LPP: variants seen among roughly 807,000 people sequenced by gnomAD.
LPP encodes LIM domain containing preferred translocation partner in lipoma, also known as lipoma-preferred partner.
A neutral mutation model predicts 60.4 loss-of-function variants in LPP; 38 were observed. The observed-to-expected ratio is 0.63, with a 90% CI of 0.49 to 0.83. The LOEUF is 0.83. LPP is among the 40% of genes least tolerant of loss of function. LPP has a pLI of 0.00. For synonymous variants in LPP, 328 were observed against 290.8 expected, an observed-to-expected ratio of 1.13 and a Z score of -1.30; for missense variants, 902 against 783.6, an observed-to-expected ratio of 1.15 and a Z score of -1.80.
intron 1 of LPP, among the ~76,000 whole-genome samples, chr3:188,161,375 T>TA (rs1718226147): frequency 6.6e-6 from 1 of 152,226 alleles, no homozygotes; most frequent in African/African-American, 2.4e-5. Flanking sequence ...AACTGTTTGC[T>TA]GCTAGAATAA....
chr3:188,864,199 C>T (rs543038630), intron 9 of LPP, among the ~76,000 whole-genome samples: 17 of 152,244 alleles, frequency 1.1e-4, no homozygotes, highest in East Asian at 3.9e-4. Flanking sequence ...CAGAGGCATA[C>T]GAAGCAATTT....
At chr3:188,433,599 TGAGA>T (rs59204304) in intron 4 of LPP, among the ~76,000 whole-genome samples, 40,405 of 137,286 alleles carry the variant, frequency 0.29, 5,882 homozygotes, top group African/African-American at 0.35. Flanking sequence ...AGACAGAAAG[TGAGA>T]GAGAGAGAGA....
chr3:188,189,322 A>G (rs1727489124), intron 1 of LPP, among the ~76,000 whole-genome samples: 1 of 152,128 alleles, frequency 6.6e-6, no homozygotes, highest in Non-Finnish European at 1.5e-5. Flanking sequence ...TCCTGAGCTC[A>G]AGTGAGCCTC....
Position 188,678,985 on chromosome 3 carries a change from A to T in LPP, c.1114-29282A>T, listed in dbSNP as rs574805528. 3.3e-5 allele frequency among the ~76,000 whole-genome samples: 5 copies of T among 152,348 alleles called. No individual in the cohort carries two copies. In the South Asian group the frequency reaches 1.0e-3, roughly 32 times the overall value. On this transcript the variant is annotated intron_variant, in intron 7 of 11. Coordinates refer to ENST00000617246, the MANE Select transcript of LPP (RefSeq NM_001375462.1). Reference sequence around the variant, plus strand: ...GGTTGAGTGGATTGAATGAGAACACATGGGAAGATGCTGGCATTTAATAGG... The same window carrying T: ...GGTTGAGTGGATTGAATGAGAACACTTGGGAAGATGCTGGCATTTAATAGG...
chr3:188,586,814 A>G lies in LPP; in HGVS notation c.430-22347A>G, dbSNP rs1439812011. Among the ~76,000 whole-genome samples, 9 of 148,362 alleles carry G rather than the reference A, an allele frequency of 6.1e-5. No homozygotes were observed. The East Asian group carries it at 1.8e-3, about 29-fold the overall frequency. The stretch of plus-strand genomic sequence containing the variant: ...CCGATCTTGGCTCACTGCAACCTCC[A>G]CCTCCTGGGTTCCAGCAATTCTCCT... On this transcript the variant is annotated intron_variant, in intron 6 of 11. Transcript: ENST00000617246.
chr3:188,837,974 T>G (rs929895257), intron 9 of LPP, among the ~76,000 whole-genome samples: 1 of 152,116 alleles, frequency 6.6e-6, no homozygotes, highest in South Asian at 2.1e-4. Flanking sequence ...GAAACAACTT[T>G]GGGCCATAGA....
intron 4 of LPP, among the ~76,000 whole-genome samples, chr3:188,454,701 A>C (rs4686962): frequency 0.95 from 144,148 of 152,158 alleles, 68,742 homozygotes; most frequent in East Asian, 1. Flanking sequence ...TACATGGCGG[A>C]AGCAAGAGAA....
intron 7 of LPP, among the ~76,000 whole-genome samples, chr3:188,620,934 T>C (rs949442951): frequency 6.6e-6 from 1 of 152,186 alleles, no homozygotes; most frequent in African/African-American, 2.4e-5. Flanking sequence ...TATCAGGCAC[T>C]CATGAATAAA....
chr3:188,400,682 A>G (rs972477732), intron 3 of LPP, among the ~76,000 whole-genome samples: 3 of 152,180 alleles, frequency 2.0e-5, no homozygotes, highest in Non-Finnish European at 2.9e-5. Context: ...GAGGAGGGCC[A>G]CTGCTCTTGC....
At chr3:188,380,728 G>A (rs577005170) in intron 3 of LPP, among the ~76,000 whole-genome samples, 2 of 152,302 alleles carry the variant, frequency 1.3e-5, no homozygotes, top group African/African-American at 4.8e-5. Flanking sequence ...ATCTTTAATT[G>A]TGTGGAGGTG....
At chr3:188,295,004 C>T (rs1423214395) in intron 2 of LPP, among the ~76,000 whole-genome samples, 1 of 152,196 alleles carries the variant, frequency 6.6e-6, no homozygotes, top group African/African-American at 2.4e-5. Context: ...CAGCTTTTCC[C>T]ATCCTCCATC....
chr3:188,609,877 C>T lies in LPP; in HGVS notation c.1113+33C>T, dbSNP rs1367538297. ...ACTCAGTAACATAAGGAGGAGAATA[C>T]AGGGGTGCCTATCTTAGTCTGCCTT... On this transcript the variant is annotated intron_variant, in intron 7 of 11. Coordinates refer to ENST00000617246, the MANE Select transcript of LPP (RefSeq NM_001375462.1). The surrounding 1 kb of genome is among the most constrained non-coding windows in gnomAD (Gnocchi z 6.9). 1 of 1,567,006 alleles carries T rather than the reference C, an allele frequency of 6.4e-7. No individual in the cohort carries two copies. The highest frequency in any genetic ancestry group is 1.2e-5 in the South Asian group (1 of 83,298).
chr3:188,373,184 T>C (rs1037664846), intron 3 of LPP, among the ~76,000 whole-genome samples: 71 of 152,232 alleles, frequency 4.7e-4, no homozygotes, highest in African/African-American at 1.7e-3. Context: ...CATGTGTCTT[T>C]ATAGCAGCAT....
chr3:188,240,388 A>C (rs540513789), intron 2 of LPP, among the ~76,000 whole-genome samples: 2 of 151,176 alleles, frequency 1.3e-5, no homozygotes, highest in East Asian at 1.9e-4. Flanking sequence ...AGAGAGAGAC[A>C]GAGAGAGAAA....
chr3:188,700,023 G>GA (rs1404737729), intron 7 of LPP, among the ~76,000 whole-genome samples: 1 of 152,094 alleles, frequency 6.6e-6, no homozygotes, highest in Non-Finnish European at 1.5e-5. Flanking sequence ...TCTACCTTTT[G>GA]AAAAGAAGAT....
intron 4 of LPP, among the ~76,000 whole-genome samples, chr3:188,453,460 A>G: frequency 6.6e-6 from 1 of 152,020 alleles, no homozygotes; most frequent in South Asian, 2.1e-4. Context: ...TGTGTTCACA[A>G]TGCCTGGGGG....
intron 7 of LPP, among the ~76,000 whole-genome samples, chr3:188,672,605 C>T (rs773289070): frequency 4.7e-4 from 72 of 152,276 alleles, no homozygotes; most frequent in Admixed American, 2.0e-3. Context: ...TTTGCTGCTA[C>T]CAGCTTGCTT....
chr3:188,858,518 T>C (rs1764363846), intron 9 of LPP, among the ~76,000 whole-genome samples: 1 of 152,224 alleles, frequency 6.6e-6, no homozygotes, highest in Admixed American at 6.5e-5. Context: ...AAAGCTCAGA[T>C]CACAATCCTA....
chr3:188,288,075 A>G (rs1220488637), intron 2 of LPP, among the ~76,000 whole-genome samples: 3 of 152,218 alleles, frequency 2.0e-5, no homozygotes, highest in East Asian at 3.8e-4. Context: ...TCCAGCCTGC[A>G]TTTATTAGCA....
Sources: allele counts gnomAD v4.1 joint callset (sites outside exome capture counted in the v4.1 genomes callset), GRCh38; gene constraint gnomAD v4.1.1; non-coding constraint Gnocchi (gnomAD v3.1); transcripts MANE v1.5; gene names NCBI Gene and HGNC (gene_info 2026-07-23, HGNC 2026-07-21).